Variants in OR1J2 observed in about 807,000 individuals in gnomAD.
The protein encoded by OR1J2 is olfactory receptor 1J2.
For synonymous variants in OR1J2, 142 were observed against 99.7 expected, an observed-to-expected ratio of 1.42 and a Z score of -2.52; for missense variants, 304 against 246.1, an observed-to-expected ratio of 1.24 and a Z score of -1.57.
chr9:122,569,886 G>C, the OR1J2 span, among the ~76,000 whole-genome samples: 5 of 150,606 alleles, frequency 3.3e-5, 1 homozygote, highest in South Asian at 8.4e-4. Context: ...GTGTCCATGT[G>C]TTCTCATTGT....
the OR1J2 span, among the ~76,000 whole-genome samples, chr9:122,488,964 G>A: frequency 6.6e-6 from 1 of 151,854 alleles, no homozygotes; most frequent in South Asian, 2.1e-4. Flanking sequence ...ATTACCCATC[G>A]TCTACATTAG....
chr9:122,512,490 T>C (rs35702299), downstream of OR1J2, among the ~76,000 whole-genome samples: 9,860 of 152,302 alleles, frequency 0.065, 444 homozygotes, highest in Middle Eastern at 0.11. Flanking sequence ...TCTTGGAAGT[T>C]GTGGGACACA....
the OR1J2 span, among the ~76,000 whole-genome samples, chr9:122,466,706 A>ATC: frequency 6.6e-6 from 1 of 152,146 alleles, no homozygotes; most frequent in African/African-American, 2.4e-5. Flanking sequence ...CAACTCCCCC[A>ATC]TCTCTTCTCC....
chr9:122,480,032 C>G, the OR1J2 span, among the ~76,000 whole-genome samples: 96 of 152,268 alleles, frequency 6.3e-4, 1 homozygote, highest in South Asian at 0.019. Flanking sequence ...TCTGTTCTTT[C>G]AGCATCTCTG....
the OR1J2 span, among the ~76,000 whole-genome samples, chr9:122,469,607 T>C: frequency 2.0e-5 from 3 of 152,214 alleles, no homozygotes; most frequent in African/African-American, 7.2e-5. Flanking sequence ...GAAGCGACTT[T>C]AGAACTGGGT....
chr9:122,477,859 T>G, the OR1J2 span: 2,372 of 1,613,964 alleles, frequency 1.5e-3, 30 homozygotes, highest in African/African-American at 0.028. Flanking sequence ...CACGGCCTGC[T>G]GCTCTGGCCG....
At chr9:122,473,710 C>T in the OR1J2 span, among the ~76,000 whole-genome samples, 7 of 152,028 alleles carry the variant, frequency 4.6e-5, no homozygotes, top group African/African-American at 1.2e-4. Context: ...GGACTAGTCC[C>T]GTCTTACTAT....
chr9:122,449,130 A>G, the OR1J2 span, among the ~76,000 whole-genome samples: 1 of 152,110 alleles, frequency 6.6e-6, no homozygotes, highest in Non-Finnish European at 1.5e-5. Flanking sequence ...CAGCACCACA[A>G]TTTATATAGC....
the OR1J2 span, among the ~76,000 whole-genome samples, chr9:122,458,599 A>G: frequency 6.6e-6 from 1 of 152,134 alleles, no homozygotes; most frequent in Non-Finnish European, 1.5e-5. Context: ...CCTTTATAAA[A>G]CCATCGTATC....
chr9:122,472,011 C>G, the OR1J2 span, among the ~76,000 whole-genome samples: 1 of 152,170 alleles, frequency 6.6e-6, no homozygotes, highest in Non-Finnish European at 1.5e-5. Flanking sequence ...CAGGTACCAT[C>G]AATAAAGCAG....
chr9:122,480,637 T>TA, the OR1J2 span, among the ~76,000 whole-genome samples: 2 of 152,070 alleles, frequency 1.3e-5, no homozygotes, highest in East Asian at 1.9e-4. Flanking sequence ...GCTTCTTTTT[T>TA]TTATTATTAT....
At chr9:122,516,291 A>G (rs2119387636), downstream of OR1J2, among the ~76,000 whole-genome samples, 1 of 147,400 alleles carries the variant, frequency 6.8e-6, no homozygotes, top group East Asian at 2.1e-4. Flanking sequence ...GGTGGAGTCC[A>G]TACATGGTCT....
At chr9:122,502,189 G>GTAAA in the OR1J2 span, among the ~76,000 whole-genome samples, 10 of 152,298 alleles carry the variant, frequency 6.6e-5, no homozygotes, top group South Asian at 1.7e-3. Context: ...AAGCAGTAAG[G>GTAAA]TAAATAGTTA....
At chr9:122,510,773 T>A (rs752892734), upstream of OR1J2, 1 of 1,241,592 alleles carries the variant, frequency 8.1e-7, no homozygotes, top group South Asian at 1.5e-5. Context: ...TCTCAAGCAT[T>A]CTTCATCTCC....
the OR1J2 span, among the ~76,000 whole-genome samples, chr9:122,536,726 G>T: frequency 0.011 from 1,685 of 152,232 alleles, 31 homozygotes; most frequent in African/African-American, 0.038. Flanking sequence ...GCTATCTCTT[G>T]GAAATGTGAT....
At chr9:122,493,136 G>T in the OR1J2 span, among the ~76,000 whole-genome samples, 4 of 152,044 alleles carry the variant, frequency 2.6e-5, no homozygotes, top group African/African-American at 4.8e-5. Context: ...TTGCATCTAT[G>T]TTCATCAGGG....
chr9:122,496,073 G>A, the OR1J2 span, among the ~76,000 whole-genome samples: 1 of 152,200 alleles, frequency 6.6e-6, no homozygotes, highest in Non-Finnish European at 1.5e-5. Flanking sequence ...ACCAGCACCT[G>A]CTCTGGTGGA....
downstream of OR1J2, among the ~76,000 whole-genome samples, chr9:122,514,941 C>G (rs1828678691): frequency 6.6e-6 from 1 of 152,190 alleles, no homozygotes. Context: ...GAGCTGGGAC[C>G]TGATCTTTAA....
chr9:122,503,362 T>A, the OR1J2 span, among the ~76,000 whole-genome samples: 4 of 152,212 alleles, frequency 2.6e-5, no homozygotes, highest in Non-Finnish European at 1.5e-5. Context: ...TATTGAGGGC[T>A]CAGCATTTGT....
Sources: allele counts gnomAD v4.1 joint callset (sites outside exome capture counted in the v4.1 genomes callset), GRCh38; gene constraint gnomAD v4.1.1; transcripts MANE v1.5; gene names NCBI Gene and HGNC (gene_info 2026-07-23, HGNC 2026-07-21).